Variants in ZFHX3 observed in about 807,000 individuals in gnomAD.
The protein encoded by ZFHX3 is zinc finger homeobox 3.
ZFHX3 carries 42 observed loss-of-function variants against 279.1 expected under a neutral mutation model. That is an observed-to-expected ratio of 0.15 (90% CI 0.12 to 0.19). The LOEUF is 0.19. Among genes scored for constraint, ZFHX3 ranks in the 10% least tolerant of loss-of-function variants. The pLI is 1.00. For synonymous variants in ZFHX3, 2,293 were observed against 1,957.8 expected (o/e 1.17, Z -4.52); for missense variants, 4,981 against 4,754.0 (o/e 1.05, Z -1.40).
At chr16:73,521,278 T>C (rs1302556165) in intron 2 of ZFHX3, among the ~76,000 whole-genome samples, 1 of 152,162 alleles carries the variant, frequency 6.6e-6, no homozygotes, top group African/African-American at 2.4e-5. Context: ...ATGCAGACAA[T>C]CATATCTACC....
intron 4 of ZFHX3, among the ~76,000 whole-genome samples, chr16:73,305,761 G>C (rs1315509072): frequency 1.3e-5 from 2 of 151,984 alleles, no homozygotes; most frequent in Non-Finnish European, 2.9e-5. Context: ...CCCAGGAAAG[G>C]AAGAAAGAAA....
intron 3 of ZFHX3, among the ~76,000 whole-genome samples, chr16:73,363,063 G>A (rs562868973): frequency 8.7e-4 from 133 of 152,254 alleles, no homozygotes; most frequent in African/African-American, 2.2e-3. Context: ...TCTTTCAGCC[G>A]TAGAGGACAG....
At chr16:73,225,868 G>A (rs544971129) in intron 5 of ZFHX3, among the ~76,000 whole-genome samples, 11 of 152,096 alleles carry the variant, frequency 7.2e-5, no homozygotes, top group Non-Finnish European at 1.3e-4. Flanking sequence ...GACAGTCACC[G>A]TCCATTCCCT....
At chr16:73,194,621 G>C (rs895095719) in intron 5 of ZFHX3, among the ~76,000 whole-genome samples, 1 of 152,168 alleles carries the variant, frequency 6.6e-6, no homozygotes, top group African/African-American at 2.4e-5. Flanking sequence ...GTCCAAAAAA[G>C]AAAGAAAATG....
At position 73,158,860 on chromosome 16, in the gene ZFHX3, A is replaced by G. The variant is rs368546394; in HGVS notation, c.-1103-15029T>C. 1.5e-3 allele frequency among the ~76,000 whole-genome samples: 231 copies of G among 152,370 alleles called. 2 individuals carry two copies. Among genetic ancestry groups the G allele is most frequent in the Middle Eastern group, 6.8e-3 (2 of 294 alleles). On this transcript the variant is annotated intron_variant, in intron 5 of 17. Transcript: ENST00000641206. ...TCCCTATTCAATAAACAGTGCTGGG[A>G]TAACTGACTAGCCATATGCAGAAGA...
chr16:73,047,523 G>C (rs529263864), intron 1 of ZFHX3, among the ~76,000 whole-genome samples: 1 of 152,306 alleles, frequency 6.6e-6, no homozygotes, highest in African/African-American at 2.4e-5. Flanking sequence ...GGAGGGAGGG[G>C]AGGACAGAGG....
rs181885756 is a variant in ZFHX3, at chr16:73,127,307, A to G, written c.-897+3661T>C. The stretch of plus-strand genomic sequence containing the variant: ...GACAGGCAGAGAAGAGGGAAGAAGG[A>G]AACAGCCTTCGCTGGTGGCAGCCGT... On this transcript the variant is annotated intron_variant, in intron 7 of 17. Coordinates refer to the ZFHX3 transcript ENST00000641206. The G allele has an allele frequency of 5.2e-3, 6,686 of 1,283,628 alleles. 22 individuals carry two copies. Among genetic ancestry groups the G allele is most frequent in the Non-Finnish European group, 6.3e-3 (6,183 of 977,600 alleles). The allele number at this position is 1,283,628 out of a possible 1,614,324, so 79.5% of individuals were successfully genotyped here. A position where few individuals can be genotyped will look rare whatever the true frequency, so the allele number is the denominator to read the frequency against.
In ZFHX3 at chr16:73,629,059, T is replaced by A. The variant is rs533159779; in HGVS notation, c.-1547+51121A>T. ...ACACTGTAATAAACCCCCGCCGGTG[T>A]GCCCGTGACAAAGTTGATCCCAAAG... On this transcript the variant is annotated intron_variant, in intron 2 of 17. Coordinates refer to the ZFHX3 transcript ENST00000641206. Among the ~76,000 whole-genome samples the A allele has an allele frequency of 3.3e-5, 5 of 152,320 alleles. No homozygotes were observed. The East Asian group carries it at 9.7e-4, about 29-fold the overall frequency.
intron 2 of ZFHX3, among the ~76,000 whole-genome samples, chr16:73,535,970 C>T (rs943013595): frequency 2.8e-4 from 42 of 152,098 alleles, no homozygotes; most frequent in Non-Finnish European, 3.4e-4. Flanking sequence ...GATCCGCCCG[C>T]CTCAGCCTCC....
intron 1 of ZFHX3, among the ~76,000 whole-genome samples, chr16:73,720,129 A>C (rs141217870): frequency 6.6e-6 from 1 of 152,338 alleles, no homozygotes; most frequent in African/African-American, 2.4e-5. Flanking sequence ...AAATTATAGC[A>C]ATTTCTTTTT....
Position 73,337,890 on chromosome 16 carries a change from G to GCC in ZFHX3, c.-1290-19555_-1290-19554insGG, listed in dbSNP as rs1271451284. ...TTTCAATAAGTCTTCATCTTCCCTT[G>GCC]GCGGGGGGGGGGGTCCTCATCCCCT... On this transcript the variant is annotated intron_variant, in intron 3 of 17. Transcript: ENST00000641206. 2.5e-3 allele frequency among the ~76,000 whole-genome samples: 226 copies of GCC among 92,066 alleles called. 10 individuals are homozygous for GCC. The highest frequency in any genetic ancestry group is 0.012 in the South Asian group (31 of 2,642). 60.4% of individuals were successfully genotyped at this position (92,066 alleles called of 152,430 possible). A position where few individuals can be genotyped will look rare whatever the true frequency, so the allele number is the denominator to read the frequency against.
At chr16:73,881,629 G>A (rs1301083945) in intron 1 of ZFHX3, among the ~76,000 whole-genome samples, 5 of 151,762 alleles carry the variant, frequency 3.3e-5, no homozygotes, top group African/African-American at 1.2e-4. Context: ...TCAGCATCTT[G>A]ATATATTCTG....
intron 4 of ZFHX3, among the ~76,000 whole-genome samples, chr16:72,831,955 A>G (rs1366447655): frequency 1.3e-5 from 2 of 152,216 alleles, no homozygotes; most frequent in Non-Finnish European, 2.9e-5. Context: ...AAAAATTTGC[A>G]ATCTCCAGCA....
chr16:73,283,357 C>T (rs772993539), intron 4 of ZFHX3, among the ~76,000 whole-genome samples: 1 of 152,176 alleles, frequency 6.6e-6, no homozygotes, highest in Non-Finnish European at 1.5e-5. Flanking sequence ...ACGTGTTGAG[C>T]CCTTTCCTTC....
intron 4 of ZFHX3, among the ~76,000 whole-genome samples, chr16:73,271,814 T>C (rs868323802): frequency 6.6e-6 from 1 of 152,142 alleles, no homozygotes; most frequent in African/African-American, 2.4e-5. Flanking sequence ...TCTCTGACAA[T>C]GTTTTGTCTT....
At chr16:73,411,358 T>C (rs1340551398) in intron 3 of ZFHX3, among the ~76,000 whole-genome samples, 1 of 152,276 alleles carries the variant, frequency 6.6e-6, no homozygotes, top group African/African-American at 2.4e-5. Context: ...CTTTGAAATA[T>C]GCACATAAAC....
At chr16:73,393,625 G>T (rs2017065016) in intron 3 of ZFHX3, among the ~76,000 whole-genome samples, 1 of 152,136 alleles carries the variant, frequency 6.6e-6, no homozygotes, top group Admixed American at 6.6e-5. Context: ...TCCTTCTGAT[G>T]CTGTGTGCTG....
intron 2 of ZFHX3, among the ~76,000 whole-genome samples, chr16:73,479,353 G>A (rs1192889532): frequency 6.6e-6 from 1 of 152,080 alleles, no homozygotes; most frequent in Non-Finnish European, 1.5e-5. Flanking sequence ...CCTCCACTCT[G>A]TCCTTGCACC....
chr16:73,418,913 T>C (rs1195418345), intron 3 of ZFHX3, among the ~76,000 whole-genome samples: 1 of 152,222 alleles, frequency 6.6e-6, no homozygotes, highest in Non-Finnish European at 1.5e-5. Context: ...GCTCCAAACC[T>C]GGGGATGTGG....
Sources: allele counts gnomAD v4.1 joint callset (sites outside exome capture counted in the v4.1 genomes callset), GRCh38; gene constraint gnomAD v4.1.1; transcripts MANE v1.5; gene names NCBI Gene and HGNC (gene_info 2026-07-23, HGNC 2026-07-21).